The following PRKN variants were observed in gnomAD, a reference collection of about 807,000 sequenced individuals.
PRKN encodes the protein parkin RBR E3 ubiquitin protein ligase, also known as E3 ubiquitin-protein ligase parkin.
PRKN carries 56 observed loss-of-function variants against 59.5 expected under a neutral mutation model. That is an observed-to-expected ratio of 0.94 (90% CI 0.76 to 1.18). The LOEUF (loss-of-function observed/expected upper bound fraction) is 1.18. Among genes scored for constraint, PRKN ranks in the 50% most tolerant of loss-of-function variants. The pLI, the probability that PRKN is intolerant of heterozygous loss-of-function variation, is 0.00. For synonymous variants in PRKN, 250 were observed against 222.1 expected (o/e 1.13, Z -1.12); for missense variants, 657 against 596.4 (o/e 1.10, Z -1.06).
At chr6:162,489,003 A>G (rs1792683022) in intron 1 of PRKN, among the ~76,000 whole-genome samples, 1 of 152,138 alleles carries the variant, frequency 6.6e-6, no homozygotes, top group Non-Finnish European at 1.5e-5. Flanking sequence ...CCACTCCTGA[A>G]ACTTTAAAGA....
chr6:162,364,831 C>A (rs1238235485), intron 2 of PRKN, among the ~76,000 whole-genome samples: 2 of 152,058 alleles, frequency 1.3e-5, no homozygotes, highest in Non-Finnish European at 2.9e-5. Flanking sequence ...AAAAACAAAG[C>A]AACCAGGAAT....
At chr6:161,528,448 A>G (rs750604633) in intron 9 of PRKN, among the ~76,000 whole-genome samples, 2 of 152,162 alleles carry the variant, frequency 1.3e-5, no homozygotes, top group Non-Finnish European at 1.5e-5. Flanking sequence ...AATATCCACC[A>G]GCACCCCAGT....
At chr6:161,394,350 G>A (rs1222615933) in intron 9 of PRKN, among the ~76,000 whole-genome samples, 1 of 151,934 alleles carries the variant, frequency 6.6e-6, no homozygotes, top group East Asian at 1.9e-4. Flanking sequence ...CAGCTCTGTA[G>A]AGTACCCACG....
chr6:162,649,888 A>AT (rs1467482787), intron 1 of PRKN, among the ~76,000 whole-genome samples: 4 of 152,206 alleles, frequency 2.6e-5, no homozygotes, highest in Non-Finnish European at 5.9e-5. Context: ...CTACTACTTT[A>AT]TTTTTTTAAC....
chr6:162,292,124 T>G (rs1016304054), intron 2 of PRKN, among the ~76,000 whole-genome samples: 1 of 151,898 alleles, frequency 6.6e-6, no homozygotes, highest in African/African-American at 2.4e-5. Flanking sequence ...CCACCACACC[T>G]GGCTAATTTT....
At position 161,417,233 on chromosome 6, in the gene PRKN, C is replaced by T. The variant is rs553940254; in HGVS notation, c.1084-30356G>A. ...TTGGGAGGCCGAGGCTGCCAAATCA[C>T]GAGGTCAAGAGATCAAGACCATTCT... On this transcript the variant is annotated intron_variant, in intron 9 of 11. Coordinates refer to ENST00000366898, the MANE Select transcript of PRKN (RefSeq NM_004562.3). The surrounding 1 kb of genome is among the most constrained non-coding windows in gnomAD (Gnocchi z 5.4). Among the ~76,000 whole-genome samples, 4 of 152,256 alleles carry T rather than the reference C, an allele frequency of 2.6e-5. No homozygotes were observed. In the South Asian group the frequency reaches 6.2e-4, roughly 24 times the overall value.
At chr6:162,099,882 C>A (rs182280154) in intron 4 of PRKN, among the ~76,000 whole-genome samples, 14 of 152,302 alleles carry the variant, frequency 9.2e-5, no homozygotes, top group African/African-American at 3.1e-4. Flanking sequence ...TTCCTCCTGA[C>A]TCACTGAAAG....
intron 1 of PRKN, among the ~76,000 whole-genome samples, chr6:162,579,085 C>T (rs1265336546): frequency 6.6e-6 from 1 of 151,622 alleles, no homozygotes; most frequent in Non-Finnish European, 1.5e-5. Flanking sequence ...GTTACATATT[C>T]TTCTTTGACA....
intron 1 of PRKN, among the ~76,000 whole-genome samples, chr6:162,712,110 CAG>C (rs1322777537): frequency 6.6e-6 from 1 of 152,170 alleles, no homozygotes; most frequent in Admixed American, 6.5e-5. Context: ...TCCGATTAAT[CAG>C]AGTGACTACA....
intron 4 of PRKN, among the ~76,000 whole-genome samples, chr6:162,185,320 A>G (rs1286527988): frequency 6.6e-6 from 1 of 152,188 alleles, no homozygotes; most frequent in Non-Finnish European, 1.5e-5. Context: ...TGAGTAATAT[A>G]TAGAACCTAA....
rs574062086 is a variant in PRKN at position 162,650,182 on chromosome 6, C to T, written c.7+77480G>A. 5.9e-5 allele frequency among the ~76,000 whole-genome samples: 9 copies of T among 152,180 alleles called. No individual in the cohort carries two copies. The South Asian group carries it at 1.9e-3, about 32-fold the overall frequency. ...CTGCCTTAAAAGCAGGTCCAACAAT[C>T]CTTCTGCCCTGCTGGAAACTGTTGC... On this transcript the variant is annotated intron_variant, in intron 1 of 11. Transcript: ENST00000366898.
Position 161,399,677 on chromosome 6 carries a change from TG to T in PRKN, c.1084-12801del, listed in dbSNP as rs1303988494. ...TGGGACCAATGGAGTTTGCTGGAAA[TG>T]ATAGCCCCCAGAAAGTACCAATCCC... On this transcript the variant is annotated intron_variant, in intron 9 of 11. Transcript: ENST00000366898. This position sits in a 1 kb window ranked among gnomAD's most constrained non-coding sequence, Gnocchi z 4.4. 6.6e-6 allele frequency among the ~76,000 whole-genome samples: 1 copy of T among 152,058 alleles called. No homozygotes were observed. The highest frequency in any genetic ancestry group is 1.5e-5 in the Non-Finnish European group (1 of 68,028).
chr6:161,605,942 G>A (rs1782264719), intron 7 of PRKN, among the ~76,000 whole-genome samples: 1 of 152,160 alleles, frequency 6.6e-6, no homozygotes. Flanking sequence ...GGACATGTGT[G>A]CAAACACCCT....
intron 2 of PRKN, among the ~76,000 whole-genome samples, chr6:162,421,534 G>A (rs934382862): frequency 6.6e-5 from 10 of 152,054 alleles, no homozygotes; most frequent in African/African-American, 2.2e-4. Context: ...TGGTTTATTT[G>A]TAATCAGAAA....
At chr6:161,690,122 A>G (rs192224790) in intron 7 of PRKN, among the ~76,000 whole-genome samples, 5 of 152,334 alleles carry the variant, frequency 3.3e-5, no homozygotes, top group African/African-American at 1.2e-4. Context: ...TTACACTGTA[A>G]GGTGGATCCT....
At chr6:162,065,812 C>A (rs1410530577) in intron 4 of PRKN, among the ~76,000 whole-genome samples, 5 of 152,206 alleles carry the variant, frequency 3.3e-5, no homozygotes, top group Middle Eastern at 3.4e-3. Flanking sequence ...TGAGTGAGAA[C>A]ACGCGGTGTT....
Position 161,916,808 on chromosome 6 carries a change from C to A in PRKN, c.734+56494G>T, listed in dbSNP as rs572096310. Among the ~76,000 whole-genome samples, 4 of 151,778 alleles carry A rather than the reference C, an allele frequency of 2.6e-5. No individual in the cohort carries two copies. The South Asian group carries it at 8.3e-4, about 32-fold the overall frequency. On this transcript the variant is annotated intron_variant, in intron 6 of 11. Transcript: ENST00000366898. ...AATTTTAATTTTTCTTTTTCTTTTT[C>A]TTTTTTTTGAGGCGGAGTCGCGCTC...
At position 161,400,942 on chromosome 6, in the gene PRKN, G is replaced by C. The variant is rs956533713; in HGVS notation, c.1084-14065C>G. 6.6e-6 allele frequency among the ~76,000 whole-genome samples: 1 copy of C among 152,140 alleles called. No individual in the cohort carries two copies. Among genetic ancestry groups the C allele is most frequent in the African/African-American group, 2.4e-5 (1 of 41,424 alleles). On this transcript the variant is annotated intron_variant, in intron 9 of 11. Coordinates refer to ENST00000366898, the MANE Select transcript of PRKN (RefSeq NM_004562.3). This position sits in a 1 kb window ranked among gnomAD's most constrained non-coding sequence, Gnocchi z 4.2. ...ACACTTTGTCAAATCTTGGACCAGG[G>C]ACAGATAGCGTCCAGGCCATTACTC...
At chr6:162,700,364 A>G (rs776562306) in intron 1 of PRKN, among the ~76,000 whole-genome samples, 2 of 152,198 alleles carry the variant, frequency 1.3e-5, no homozygotes, top group African/African-American at 4.8e-5. Flanking sequence ...CTATGTTCCG[A>G]GCATGCTCAA....
Sources: allele counts gnomAD v4.1 joint callset (sites outside exome capture counted in the v4.1 genomes callset), GRCh38; gene constraint gnomAD v4.1.1; non-coding constraint Gnocchi (gnomAD v3.1); transcripts MANE v1.5; gene names NCBI Gene and HGNC (gene_info 2026-07-23, HGNC 2026-07-21).